Variants in RIC8B observed in about 807,000 individuals in gnomAD.
RIC8B encodes chaperone Ric-8B.
In RIC8B, 16 loss-of-function variants were observed where a neutral mutation model predicts 57.5. The ratio of observed to expected loss-of-function variants is 0.28; its 90% confidence interval spans 0.19 to 0.42. The LOEUF is 0.42. Among genes scored for constraint, RIC8B ranks in the 10% least tolerant of loss-of-function variants. The pLI is 1.00. For missense variants in RIC8B, 481 were observed against 677.0 expected, an observed-to-expected ratio of 0.71 and a Z score of 3.21; for synonymous variants, 216 against 250.8, an observed-to-expected ratio of 0.86 and a Z score of 1.31.
At chr12:106,784,184 A>G in intron 2 of RIC8B, 140 bp downstream of exon 2, 2 of 777,836 alleles carry the variant, frequency 2.6e-6, no homozygotes, top group Non-Finnish European at 4.2e-6. Context: ...AGGAACCCTG[A>G]GAAGAAAGGT....
intron 2 of RIC8B, among the ~76,000 whole-genome samples, chr12:106,799,780 T>C (rs1345349853): frequency 2.0e-5 from 3 of 152,204 alleles, no homozygotes; most frequent in Admixed American, 6.5e-5. Context: ...TGTGTTCTTA[T>C]GCCTTTGAAG....
Position 106,784,055 on chromosome 12 carries a change from G to T in RIC8B, c.132+11G>T. The stretch of plus-strand genomic sequence containing the variant: ...GAAGATAAAAGAAAGGTAAGCCTTG[G>T]TGTTGCTCTGTGAATGTTTATGTGT... On this transcript the variant is annotated intron_variant, in intron 2 of 9. Coordinates refer to ENST00000392837, the MANE Select transcript of RIC8B (RefSeq NM_001330145.2). 2 of 1,612,100 alleles carry T rather than the reference G, an allele frequency of 1.2e-6. No homozygotes were observed. The highest frequency in any genetic ancestry group is 1.7e-6 in the Non-Finnish European group (2 of 1,178,472).
intron 7 of RIC8B, among the ~76,000 whole-genome samples, chr12:106,855,400 A>G (rs1949677934): frequency 6.8e-6 from 1 of 146,850 alleles, no homozygotes; most frequent in Admixed American, 6.9e-5. Flanking sequence ...ATGCATACTT[A>G]TATCACTGTC....
intron 9 of RIC8B, among the ~76,000 whole-genome samples, chr12:106,876,352 T>C (rs1375086391): frequency 6.6e-6 from 1 of 152,192 alleles, no homozygotes; most frequent in Non-Finnish European, 1.5e-5. Context: ...GGTTAAAATA[T>C]TAAAATTAAT....
intron 4 of RIC8B, among the ~76,000 whole-genome samples, chr12:106,831,948 T>G (rs1025155693): frequency 3.4e-4 from 52 of 152,196 alleles, no homozygotes; most frequent in African/African-American, 1.2e-3. Context: ...TTCCACAATC[T>G]GCATGACTTT....
intron 1 of RIC8B, among the ~76,000 whole-genome samples, chr12:106,776,343 C>T (rs559435619): frequency 3.9e-5 from 6 of 152,236 alleles, no homozygotes; most frequent in South Asian, 2.1e-4. Flanking sequence ...TGATTTAACC[C>T]GATTTATTAC....
chr12:106,795,182 TATA>T (rs1253258481), intron 2 of RIC8B, among the ~76,000 whole-genome samples: 1 of 152,162 alleles, frequency 6.6e-6, no homozygotes, highest in Non-Finnish European at 1.5e-5. Context: ...AAGTAATAAT[TATA>T]ATAATGTATT....
At chr12:106,777,202 G>A (rs1365421934) in intron 1 of RIC8B, among the ~76,000 whole-genome samples, 3 of 152,168 alleles carry the variant, frequency 2.0e-5, no homozygotes, top group Admixed American at 2.0e-4. Context: ...AGTAGGGCCA[G>A]TATAGTAGGG....
intron 9 of RIC8B, among the ~76,000 whole-genome samples, chr12:106,877,039 A>C (rs1950696351): frequency 6.6e-6 from 1 of 151,966 alleles, no homozygotes; most frequent in Admixed American, 6.6e-5. Flanking sequence ...TTTTCTCTAT[A>C]TTTTCTTAAC....
rs554371511 is a variant in RIC8B at position 106,793,946 on chromosome 12, A to G, written c.132+9902A>G. ...TGGGCGGGGTGGGGGTGGGGGAGGG[A>G]AGCAGGCACCAAAAACTGCCTGTAT... On this transcript the variant is annotated intron_variant, in intron 2 of 9. Transcript: ENST00000392837. Among the ~76,000 whole-genome samples the G allele has an allele frequency of 2.7e-5, 4 of 150,124 alleles. No homozygotes were observed. In the East Asian group the frequency reaches 7.9e-4, roughly 30 times the overall value.
At chr12:106,790,335 A>G (rs1443933723) in intron 2 of RIC8B, among the ~76,000 whole-genome samples, 1 of 152,232 alleles carries the variant, frequency 6.6e-6, no homozygotes, top group Non-Finnish European at 1.5e-5. Flanking sequence ...ACTAGATTTA[A>G]GTTGGAAGAT....
chr12:106,804,275 C>T (rs1215179795), intron 2 of RIC8B, among the ~76,000 whole-genome samples: 4 of 149,558 alleles, frequency 2.7e-5, no homozygotes, highest in Non-Finnish European at 4.4e-5. Context: ...AGTGCAATGG[C>T]GTGATCTCTG....
chr12:106,879,648 TG>T lies in RIC8B; in HGVS notation c.1572-6252del, dbSNP rs1338925841. Reference sequence around the variant, plus strand: ...CCATTAGCAGTCCCAAGGGTTAGGCTGGGGCAAAATAGGGTTTCCTTTCTTG... The same window carrying T: ...CCATTAGCAGTCCCAAGGGTTAGGCTGGGCAAAATAGGGTTTCCTTTCTTG... On this transcript the variant is annotated intron_variant, in intron 9 of 9. Transcript: ENST00000392837. The surrounding 1 kb of genome is among the most constrained non-coding windows in gnomAD (Gnocchi z 4.9). 3.0e-6 allele frequency: 3 copies of T among 985,442 alleles called. No homozygotes were observed. The highest frequency in any genetic ancestry group is 3.5e-5 in the African/African-American group (2 of 57,372). 61.0% of individuals were successfully genotyped at this position (985,442 alleles called of 1,614,324 possible).
intron 4 of RIC8B, among the ~76,000 whole-genome samples, chr12:106,831,009 C>T (rs1725489206): frequency 6.6e-6 from 1 of 152,160 alleles, no homozygotes; most frequent in African/African-American, 2.4e-5. Flanking sequence ...CCTGTCCTGG[C>T]CTTTTCCAGA....
At chr12:106,811,937 A>G (rs1373764706) in intron 2 of RIC8B, among the ~76,000 whole-genome samples, 1 of 152,250 alleles carries the variant, frequency 6.6e-6, no homozygotes, top group Non-Finnish European at 1.5e-5. Flanking sequence ...GAAGAGCTAC[A>G]AAGAATGCTG....
At chr12:106,815,982 G>A (rs965303541) in intron 3 of RIC8B, among the ~76,000 whole-genome samples, 1 of 152,144 alleles carries the variant, frequency 6.6e-6, no homozygotes, top group Non-Finnish European at 1.5e-5. Context: ...CCAAAGTGAC[G>A]CAGATTTGAT....
At chr12:106,828,203 G>A (rs1566097531) in intron 4 of RIC8B, among the ~76,000 whole-genome samples, 1 of 152,128 alleles carries the variant, frequency 6.6e-6, no homozygotes. Context: ...TTTCTCAGAG[G>A]CTTTCCTGGG....
chr12:106,833,973 G>A (rs1002502768), intron 4 of RIC8B, among the ~76,000 whole-genome samples: 3 of 152,128 alleles, frequency 2.0e-5, no homozygotes, highest in African/African-American at 7.2e-5. Flanking sequence ...TGATACTCCT[G>A]CTCTCCCTTC....
intron 2 of RIC8B, among the ~76,000 whole-genome samples, chr12:106,800,956 A>G (rs1248800545): frequency 6.6e-6 from 1 of 152,246 alleles, no homozygotes; most frequent in African/African-American, 2.4e-5. Context: ...GTATAATCAA[A>G]CTATAGCTTG....
Sources: gnomAD v4.1 joint callset for allele counts (sites outside exome capture counted in the v4.1 genomes callset) on GRCh38, gnomAD v4.1.1 for gene constraint, Gnocchi (gnomAD v3.1) non-coding constraint, MANE v1.5 for transcripts, NCBI Gene and HGNC (gene_info 2026-07-23, HGNC 2026-07-21) for gene names.